SLIT2: variants seen among roughly 807,000 people sequenced by gnomAD.
SLIT2 encodes the protein slit homolog 2 protein.
SLIT2 carries 41 observed loss-of-function variants against 185.7 expected under a neutral mutation model. That is an observed-to-expected ratio of 0.22 (90% CI 0.17 to 0.29). SLIT2 has a LOEUF of 0.29. Ranked by LOEUF, SLIT2 falls within the 10% of genes least tolerant of loss-of-function variation. SLIT2 has a pLI of 1.00. For synonymous variants in SLIT2, 693 were observed against 680.2 expected, an observed-to-expected ratio of 1.02 and a Z score of -0.29; for missense variants, 1,571 against 1,909.0, an observed-to-expected ratio of 0.82 and a Z score of 3.30.
chr4:20,546,103 A>G lies in SLIT2; in HGVS notation c.2345+4A>G. 1 of 1,539,242 alleles carries G rather than the reference A, an allele frequency of 6.5e-7. No homozygotes were observed. ...ACTACAAACATTTAACACTTATGTG[A>G]GTAACATATTGCACTTTTCTTTGAC... On this transcript the variant is annotated splice_donor_region_variant and intron_variant, in intron 22 of 36. Coordinates refer to ENST00000504154, the MANE Select transcript of SLIT2 (RefSeq NM_004787.4).
chr4:20,611,413 A>T (rs1169611466), intron 34 of SLIT2, among the ~76,000 whole-genome samples: 1 of 152,250 alleles, frequency 6.6e-6, no homozygotes, highest in East Asian at 1.9e-4. Flanking sequence ...GGAACTAAGT[A>T]AATGGATACA....
chr4:20,544,676 A>C, intron 21 of SLIT2, among the ~76,000 whole-genome samples: 1 of 151,476 alleles, frequency 6.6e-6, no homozygotes. Context: ...ACATTAAATA[A>C]TTAAAGACTT....
At position 20,354,898 on chromosome 4, in the gene SLIT2, T is replaced by TGA. The variant is rs1295039840; in HGVS notation, c.395+86018_395+86019insAG. Among the ~76,000 whole-genome samples the TGA allele has an allele frequency of 1.0e-3, 125 of 124,148 alleles. 1 individual carries two copies. The highest frequency in any genetic ancestry group is 3.8e-3 in the African/African-American group (119 of 31,014). 81.4% of individuals were successfully genotyped at this position (124,148 alleles called of 152,430 possible). On this transcript the variant is annotated intron_variant, in intron 4 of 36. Coordinates refer to ENST00000504154, the MANE Select transcript of SLIT2 (RefSeq NM_004787.4). ...TGTGGCAAGTCTGCGTGTGTGTGTGTGTGTGTGTGAGAGAGAGAGAGAGAG... is the reference window on the plus strand; with the variant it reads ...TGTGGCAAGTCTGCGTGTGTGTGTGTGAGTGTGTGTGAGAGAGAGAGAGAGAG...
chr4:20,320,212 A>G (rs1440686509), intron 4 of SLIT2, among the ~76,000 whole-genome samples: 1 of 152,188 alleles, frequency 6.6e-6, no homozygotes, highest in Non-Finnish European at 1.5e-5. Context: ...TATTGTGACT[A>G]TTTTATACCA....
chr4:20,434,303 C>G (rs1398714179), intron 4 of SLIT2, among the ~76,000 whole-genome samples: 1 of 115,976 alleles, frequency 8.6e-6, no homozygotes, highest in Non-Finnish European at 1.9e-5. Flanking sequence ...GCCTGACCAA[C>G]ATGGAGAACC....
chr4:20,508,832 G>A (rs993750071), intron 9 of SLIT2, among the ~76,000 whole-genome samples: 6 of 152,012 alleles, frequency 3.9e-5, no homozygotes, highest in African/African-American at 1.4e-4. Flanking sequence ...CAAGAGCAAC[G>A]AAAACTGAGG....
In SLIT2 at chr4:20,523,851, C is replaced by T. The variant is rs1560499899; in HGVS notation, c.1222C>T (p.Leu408Phe). 4 of 1,613,796 alleles carry T rather than the reference C, an allele frequency of 2.5e-6. No individual in the cohort carries two copies. In the African/African-American group the frequency reaches 5.3e-5, roughly 22 times the overall value. Reference protein sequence around the residue: ...LNLLSLYDNKLQTIAKGTFSP... With the variant: ...LNLLSLYDNKFQTIAKGTFSP... ...CCTTCTCTCCCTATATGACAACAAG[C>T]TTCAGACCATCGCCAAGGGGACCTT... Residue 408 changes from leucine to phenylalanine, a missense_variant, in exon 13 of 37, where the codon CTT becomes TTT. By Grantham distance (22) the Leu-to-Phe change is conservative (BLOSUM62 0). This residue lies in a region of SLIT2 where 1,202 missense variants were observed against 1,416.4 expected (regional missense o/e 0.85). Coordinates refer to ENST00000504154, the MANE Select transcript of SLIT2 (RefSeq NM_004787.4).
At chr4:20,476,330 TC>T (rs1238841060) in intron 5 of SLIT2, among the ~76,000 whole-genome samples, 1 of 152,154 alleles carries the variant, frequency 6.6e-6, no homozygotes, top group African/African-American at 2.4e-5. Context: ...TTATTTGGTT[TC>T]TTTACAATAG....
At chr4:20,340,130 A>G (rs1013298044) in intron 4 of SLIT2, among the ~76,000 whole-genome samples, 2 of 152,176 alleles carry the variant, frequency 1.3e-5, no homozygotes, top group African/African-American at 4.8e-5. Context: ...TAGTAGGTGT[A>G]TATTTTTATG....
At chr4:20,614,150 T>C (rs1259355775) in intron 34 of SLIT2, among the ~76,000 whole-genome samples, 4 of 152,054 alleles carry the variant, frequency 2.6e-5, no homozygotes, top group Non-Finnish European at 4.4e-5. Flanking sequence ...TGGGATTACA[T>C]GCATGAGCCA....
intron 29 of SLIT2, among the ~76,000 whole-genome samples, chr4:20,588,765 A>G (rs900681501): frequency 6.6e-6 from 1 of 152,188 alleles, no homozygotes; most frequent in African/African-American, 2.4e-5. Context: ...TTCTAAAGAA[A>G]TTATCAGTCA....
chr4:20,384,100 TTA>T (rs1724749143), intron 4 of SLIT2, among the ~76,000 whole-genome samples: 1 of 148,760 alleles, frequency 6.7e-6, no homozygotes, highest in African/African-American at 2.5e-5. Flanking sequence ...TTTTTTTTTT[TTA>T]ACAAAAAATA....
intron 18 of SLIT2, among the ~76,000 whole-genome samples, chr4:20,536,647 A>T (rs1246615109): frequency 2.6e-5 from 4 of 151,256 alleles, no homozygotes; most frequent in Non-Finnish European, 5.9e-5. Context: ...TTTCTTCAGT[A>T]ATAAATTAAG....
At chr4:20,529,593 A>G (rs755827418) in intron 16 of SLIT2, among the ~76,000 whole-genome samples, 5 of 152,218 alleles carry the variant, frequency 3.3e-5, no homozygotes, top group Non-Finnish European at 5.9e-5. Context: ...TAGAAAGGAT[A>G]GCTTTTTCTG....
chr4:20,322,111 T>C (rs79334511), intron 4 of SLIT2, among the ~76,000 whole-genome samples: 1,724 of 152,282 alleles, frequency 0.011, 26 homozygotes, highest in African/African-American at 0.039. Context: ...GATTCCAGAC[T>C]TGTATTTCCT....
chr4:20,336,765 A>G (rs764615436), intron 4 of SLIT2, among the ~76,000 whole-genome samples: 6 of 152,208 alleles, frequency 3.9e-5, no homozygotes, highest in Non-Finnish European at 8.8e-5. Flanking sequence ...CAGTTTGCAC[A>G]TGTTCCAAGT....
At chr4:20,405,577 T>C (rs2109411743) in intron 4 of SLIT2, among the ~76,000 whole-genome samples, 1 of 152,098 alleles carries the variant, frequency 6.6e-6, no homozygotes, top group East Asian at 1.9e-4. Flanking sequence ...CCTTTATAAA[T>C]CCATGATTAT....
rs1553908392 is a variant in SLIT2 at position 20,472,345 on chromosome 4, T to TATAG, written c.467+4523_467+4524insTAGA. On this transcript the variant is annotated intron_variant, in intron 5 of 36. Transcript: ENST00000504154. ...ATATATCTATATATAGATCTATATA[T>TATAG]AGATATAGATATCTATATAGATATC... Among the ~76,000 whole-genome samples the TATAG allele has an allele frequency of 2.4e-4, 13 of 54,534 alleles. 2 individuals are homozygous for TATAG. Among genetic ancestry groups the TATAG allele is most frequent in the Non-Finnish European group, 3.4e-4 (10 of 29,300 alleles). 35.8% of individuals were successfully genotyped at this position (54,534 alleles called of 152,430 possible). A position where few individuals can be genotyped will look rare whatever the true frequency, so the allele number is the denominator to read the frequency against.
chr4:20,385,700 A>G (rs1472006401), intron 4 of SLIT2, among the ~76,000 whole-genome samples: 1 of 152,160 alleles, frequency 6.6e-6, no homozygotes, highest in Admixed American at 6.6e-5. Context: ...GCACTTAGGA[A>G]CTTCTTAATT....
Sources: gnomAD v4.1 joint callset for allele counts (sites outside exome capture counted in the v4.1 genomes callset) on GRCh38, gnomAD v4.1.1 for gene constraint, gnomAD v4.1.1 regional missense constraint, MANE v1.5 for transcripts, NCBI Gene and HGNC (gene_info 2026-07-23, HGNC 2026-07-21) for gene names.